The following ANXA3 variants were observed in gnomAD, a reference collection of about 807,000 sequenced individuals.
ANXA3 encodes the protein 35-alpha calcimedin.
A neutral mutation model predicts 48.8 loss-of-function variants in ANXA3; 46 were observed. That is an observed-to-expected ratio of 0.94 (90% CI 0.74 to 1.21). ANXA3 has a LOEUF of 1.21. ANXA3 is among the 50% of genes most tolerant of loss of function. The pLI, the probability that ANXA3 is intolerant of heterozygous loss-of-function variation, is 0.00. For synonymous variants in ANXA3, 128 were observed against 134.7 expected (o/e 0.95, Z 0.35); for missense variants, 383 against 378.6 (o/e 1.01, Z -0.10).
At chr4:78,567,667 G>C (rs558853121) in intron 2 of ANXA3, among the ~76,000 whole-genome samples, 1 of 152,134 alleles carries the variant, frequency 6.6e-6, no homozygotes. Context: ...AGTGAAGAAA[G>C]GCAAATAACT....
chr4:78,567,169 G>T (rs1449250307), intron 2 of ANXA3, among the ~76,000 whole-genome samples: 1 of 152,196 alleles, frequency 6.6e-6, no homozygotes, highest in Non-Finnish European at 1.5e-5. Flanking sequence ...GGAACCGCTT[G>T]GTTACCAGTA....
intron 12 of ANXA3, among the ~76,000 whole-genome samples, chr4:78,605,028 A>G (rs1245773362): frequency 2.0e-5 from 3 of 152,332 alleles, no homozygotes; most frequent in Admixed American, 6.5e-5. Flanking sequence ...AATTTTGACA[A>G]ATATTACTAA....
intron 12 of ANXA3, among the ~76,000 whole-genome samples, chr4:78,609,494 A>C (rs1209939173): frequency 1.3e-5 from 2 of 152,184 alleles, no homozygotes; most frequent in Non-Finnish European, 2.9e-5. Flanking sequence ...AATGTGGTTC[A>C]TTTCACTTTC....
intron 9 of ANXA3, 179 bp from the exon 10 acceptor site, chr4:78,597,140 T>C (rs6811432): frequency 0.021 from 10,925 of 520,982 alleles, 949 homozygotes; most frequent in African/African-American, 0.2. Context: ...TTGTTGTAGA[T>C]GATTTCCTTA....
intron 5 of ANXA3, among the ~76,000 whole-genome samples, chr4:78,585,087 C>T (rs986933924): frequency 2.0e-5 from 3 of 152,224 alleles, no homozygotes; most frequent in African/African-American, 7.2e-5. Flanking sequence ...CTTTGGTAGA[C>T]CCAAAGGTGT....
intron 3 of ANXA3, among the ~76,000 whole-genome samples, chr4:78,576,057 A>G (rs933589844): frequency 6.6e-6 from 1 of 152,006 alleles, no homozygotes; most frequent in Non-Finnish European, 1.5e-5. Context: ...TGCTTCATTT[A>G]TCTATTTGGC....
At chr4:78,557,239 G>C (rs1190957352) in intron 2 of ANXA3, among the ~76,000 whole-genome samples, 1 of 152,158 alleles carries the variant, frequency 6.6e-6, no homozygotes, top group Non-Finnish European at 1.5e-5. Context: ...CAGCAATGAT[G>C]CATCAAATCT....
At chr4:78,562,878 C>A (rs189248877) in intron 2 of ANXA3, among the ~76,000 whole-genome samples, 1 of 151,822 alleles carries the variant, frequency 6.6e-6, no homozygotes, top group Non-Finnish European at 1.5e-5. Context: ...GCCAGGCAGA[C>A]GGAATGATAA....
chr4:78,598,508 AT>A (rs905404863), intron 10 of ANXA3, among the ~76,000 whole-genome samples: 2 of 150,870 alleles, frequency 1.3e-5, no homozygotes, highest in Admixed American at 6.6e-5. Flanking sequence ...CACCTGGTTA[AT>A]TTTTTTTTCC....
intron 1 of ANXA3, among the ~76,000 whole-genome samples, chr4:78,554,223 A>C (rs540898850): frequency 6.6e-6 from 1 of 152,298 alleles, no homozygotes; most frequent in South Asian, 2.1e-4. Flanking sequence ...TGAAGTCCTC[A>C]CAGGTCTAGC....
intron 12 of ANXA3, among the ~76,000 whole-genome samples, chr4:78,605,670 G>A (rs1412992190): frequency 6.6e-6 from 1 of 152,058 alleles, no homozygotes; most frequent in Non-Finnish European, 1.5e-5. Flanking sequence ...CTTTCATTCT[G>A]GATGAGAATC....
At chr4:78,579,472 T>C (rs1723030335) in intron 4 of ANXA3, among the ~76,000 whole-genome samples, 1 of 152,164 alleles carries the variant, frequency 6.6e-6, no homozygotes, top group Non-Finnish European at 1.5e-5. Context: ...TTCTAGCATG[T>C]AGTAGGCATA....
intron 8 of ANXA3, 84 bp from the exon 9 acceptor site, chr4:78,595,710 C>T (rs1236805830): frequency 9.0e-6 from 8 of 887,062 alleles, no homozygotes; most frequent in African/African-American, 1.7e-5. Flanking sequence ...TGGCACTGAC[C>T]TCTGAAATAC....
At chr4:78,592,144 A>G (rs982853005) in intron 7 of ANXA3, among the ~76,000 whole-genome samples, 1 of 152,224 alleles carries the variant, frequency 6.6e-6, no homozygotes, top group South Asian at 2.1e-4. Context: ...AAAAGCTGCC[A>G]AACTATTAAT....
chr4:78,560,374 T>A (rs1390739), intron 2 of ANXA3, among the ~76,000 whole-genome samples: 2 of 151,976 alleles, frequency 1.3e-5, no homozygotes, highest in Admixed American at 6.6e-5. Flanking sequence ...AAGAATTCCC[T>A]AGAATGATTC....
intron 2 of ANXA3, among the ~76,000 whole-genome samples, chr4:78,559,867 GGA>G (rs1361535604): frequency 6.6e-6 from 1 of 152,162 alleles, no homozygotes; most frequent in African/African-American, 2.4e-5. Context: ...TGCCTGGCAT[GGA>G]GTGAGCACTC....
At chr4:78,594,063 C>A (rs911442488) in intron 7 of ANXA3, among the ~76,000 whole-genome samples, 2 of 152,082 alleles carry the variant, frequency 1.3e-5, no homozygotes, top group Non-Finnish European at 2.9e-5. Flanking sequence ...CCAGTTCATA[C>A]CTTCCTCCCC....
chr4:78,554,945 C>A (rs1038865060), intron 2 of ANXA3, among the ~76,000 whole-genome samples: 1 of 152,214 alleles, frequency 6.6e-6, no homozygotes, highest in Non-Finnish European at 1.5e-5. Flanking sequence ...GTGGCTCACA[C>A]CTGTAATCCT....
intron 10 of ANXA3, among the ~76,000 whole-genome samples, chr4:78,599,288 T>A (rs1301145475): frequency 6.6e-6 from 1 of 152,148 alleles, no homozygotes; most frequent in East Asian, 1.9e-4. Context: ...CACTTTCCAA[T>A]CCTCCCCACC....
Sources: gnomAD v4.1 joint callset for allele counts (sites outside exome capture counted in the v4.1 genomes callset) on GRCh38, gnomAD v4.1.1 for gene constraint, MANE v1.5 for transcripts, NCBI Gene and HGNC (gene_info 2026-07-23, HGNC 2026-07-21) for gene names.